NPAS3: variants seen among roughly 807,000 people sequenced by gnomAD.
The protein encoded by NPAS3 is neuronal PAS domain-containing protein 3.
In NPAS3, 14 loss-of-function variants were observed where a neutral mutation model predicts 73.1. That is an observed-to-expected ratio of 0.19 (90% CI 0.13 to 0.30). The LOEUF is 0.30. NPAS3 is among the 10% of genes least tolerant of loss of function. NPAS3 has a pLI of 1.00. For synonymous variants in NPAS3, 620 were observed against 541.5 expected (o/e 1.14, Z -2.01); for missense variants, 1,096 against 1,250.0 (o/e 0.88, Z 1.86).
At chr14:33,351,648 C>G (rs1295789153) in intron 3 of NPAS3, among the ~76,000 whole-genome samples, 1 of 152,204 alleles carries the variant, frequency 6.6e-6, no homozygotes, top group Admixed American at 6.5e-5. Flanking sequence ...TGTACTCTCA[C>G]AAAAGATCAT....
At chr14:32,948,848 G>GA (rs1179435654) in intron 1 of NPAS3, among the ~76,000 whole-genome samples, 1 of 152,072 alleles carries the variant, frequency 6.6e-6, no homozygotes, top group Non-Finnish European at 1.5e-5. Context: ...CAGACTTTGA[G>GA]AAAAATGTAT....
chr14:33,694,393 G>GC (rs1401211368), intron 6 of NPAS3, among the ~76,000 whole-genome samples: 7 of 151,970 alleles, frequency 4.6e-5, no homozygotes, highest in Non-Finnish European at 7.4e-5. Context: ...CAGCCAAAAA[G>GC]CCCCCCAAAA....
intron 3 of NPAS3, among the ~76,000 whole-genome samples, chr14:33,336,562 T>C (rs8013159): frequency 0.79 from 120,934 of 152,182 alleles, 48,810 homozygotes; most frequent in African/African-American, 0.94. Context: ...CTTGGACCCT[T>C]TTTTAAAGGG....
chr14:33,131,345 C>T (rs771985080), intron 2 of NPAS3, among the ~76,000 whole-genome samples: 14 of 151,968 alleles, frequency 9.2e-5, no homozygotes, highest in Non-Finnish European at 1.8e-4. Context: ...GCTTAAATGA[C>T]CCCATTTGAT....
chr14:33,558,213 A>G (rs946739681), intron 4 of NPAS3, among the ~76,000 whole-genome samples: 1 of 152,086 alleles, frequency 6.6e-6, no homozygotes, highest in Non-Finnish European at 1.5e-5. Context: ...GGTGTCATCC[A>G]CAGTTTCTGA....
chr14:33,214,829 C>A (rs528955330), intron 2 of NPAS3: 8 of 214,482 alleles, frequency 3.7e-5, no homozygotes, highest in African/African-American at 1.6e-4. Context: ...CGAATGTAAG[C>A]CCAACTTATA....
chr14:33,050,861 C>G (rs2040678094), intron 1 of NPAS3, among the ~76,000 whole-genome samples: 1 of 152,200 alleles, frequency 6.6e-6, no homozygotes, highest in Non-Finnish European at 1.5e-5. Context: ...GTACTGTGTT[C>G]TAAGTGCAAG....
chr14:33,590,813 T>G (rs1353205129), intron 5 of NPAS3, among the ~76,000 whole-genome samples: 2 of 152,170 alleles, frequency 1.3e-5, no homozygotes, highest in African/African-American at 4.8e-5. Flanking sequence ...CTCACAAATA[T>G]CATCCTCCAT....
intron 2 of NPAS3, among the ~76,000 whole-genome samples, chr14:33,119,277 G>GT (rs1171137827): frequency 2.6e-5 from 4 of 151,606 alleles, no homozygotes; most frequent in South Asian, 2.1e-4. Flanking sequence ...AAGAGGATTT[G>GT]TTTTTTTTCC....
At chr14:33,518,592 A>ATTTTTTT (rs71433619) in intron 4 of NPAS3, among the ~76,000 whole-genome samples, 1 of 128,828 alleles carries the variant, frequency 7.8e-6, no homozygotes, top group Non-Finnish European at 1.6e-5. Context: ...GACATCAAGG[A>ATTTTTTT]TTTTTTTTTT....
At chr14:33,679,618 A>G (rs1408535503) in intron 6 of NPAS3, among the ~76,000 whole-genome samples, 1 of 152,212 alleles carries the variant, frequency 6.6e-6, no homozygotes, top group Non-Finnish European at 1.5e-5. Flanking sequence ...ATGAAAATGA[A>G]AGGACTAGTA....
intron 4 of NPAS3, among the ~76,000 whole-genome samples, chr14:33,438,793 A>C (rs755990095): frequency 2.2e-4 from 34 of 152,342 alleles, no homozygotes; most frequent in Non-Finnish European, 4.1e-4. Context: ...ACAATACGTA[A>C]AAATTTTCCA....
intron 2 of NPAS3, among the ~76,000 whole-genome samples, chr14:33,184,089 G>T (rs1310350478): frequency 6.6e-6 from 1 of 152,120 alleles, no homozygotes; most frequent in Non-Finnish European, 1.5e-5. Flanking sequence ...TATAGTTCCT[G>T]CCATCTGTGC....
At chr14:33,793,952 A>C in exon 10 of NPAS3, 6 of 1,613,926 alleles carry the variant, frequency 3.7e-6, no homozygotes, top group Non-Finnish European at 5.1e-6. Context: ...AGAAGAACGG[A>C]GGATATATTT....
intron 2 of NPAS3, among the ~76,000 whole-genome samples, chr14:33,188,181 A>T (rs2046047637): frequency 6.6e-6 from 1 of 152,240 alleles, no homozygotes; most frequent in Non-Finnish European, 1.5e-5. Flanking sequence ...TAGCTCATTG[A>T]CATATAGTAA....
intron 1 of NPAS3, among the ~76,000 whole-genome samples, chr14:33,054,694 ACT>A (rs2138523367): frequency 6.6e-6 from 1 of 150,688 alleles, no homozygotes; most frequent in East Asian, 2.0e-4. Flanking sequence ...CTCATTGCAA[ACT>A]CTGCCTCCCA....
At chr14:33,332,573 G>T (rs758824286) in intron 3 of NPAS3, among the ~76,000 whole-genome samples, 1 of 152,128 alleles carries the variant, frequency 6.6e-6, no homozygotes, top group South Asian at 2.1e-4. Context: ...TTAATCCAAC[G>T]TAGATTAACC....
intron 5 of NPAS3, among the ~76,000 whole-genome samples, chr14:33,636,542 T>C (rs893984133): frequency 3.3e-5 from 5 of 152,184 alleles, no homozygotes; most frequent in Admixed American, 1.3e-4. Context: ...GACCCTGCCA[T>C]GTAGTCACTC....
intron 7 of NPAS3, among the ~76,000 whole-genome samples, chr14:33,738,583 A>T (rs938263065): frequency 2.6e-5 from 4 of 152,154 alleles, no homozygotes; most frequent in African/African-American, 9.7e-5. Context: ...ACCAACCTGC[A>T]TCTGCTAATG....
Sources: gnomAD v4.1 joint callset for allele counts (sites outside exome capture counted in the v4.1 genomes callset) on GRCh38, gnomAD v4.1.1 for gene constraint, MANE v1.5 for transcripts, NCBI Gene and HGNC (gene_info 2026-07-23, HGNC 2026-07-21) for gene names.